The following DNAH2 variants were observed in gnomAD, a reference collection of about 807,000 sequenced individuals.
DNAH2 encodes axonemal beta dynein heavy chain 2.
Under a neutral mutation model 523.5 loss-of-function variants are expected in DNAH2, and 323 were observed. That is an observed-to-expected ratio of 0.62 (90% CI 0.56 to 0.68). The LOEUF is 0.68. Ranked by LOEUF, DNAH2 falls within the 30% of genes least tolerant of loss-of-function variation. The pLI, the probability that DNAH2 is intolerant of heterozygous loss-of-function variation, is 0.00. For synonymous variants in DNAH2, 2,093 were observed against 2,177.4 expected (o/e 0.96, Z 1.08); for missense variants, 4,907 against 5,701.5 (o/e 0.86, Z 4.49).
intron 63 of DNAH2, among the ~76,000 whole-genome samples, chr17:7,808,274 G>A (rs1306466038): frequency 2.6e-5 from 4 of 151,908 alleles, no homozygotes; most frequent in East Asian, 1.9e-4. Context: ...AGGAGGCTGA[G>A]GCATGAGAAT....
In DNAH2 at chr17:7,832,913, A is replaced by G; in HGVS notation, c.12963A>G (p.Leu4321=). The G allele has an allele frequency of 1.2e-6, 2 of 1,614,166 alleles. No individual in the cohort carries two copies. The highest frequency in any genetic ancestry group is 8.5e-7 in the Non-Finnish European group (1 of 1,180,022). ...FIVSTVDDSN[L]VYPPKDGVWV... is the part of the protein sequence containing the mutation. ...TTTCCACTGTGGATGACAGCAACCTAGTGTATCCCCCCAAGGTGGGAGCCA... is the reference window on the plus strand; with the variant it reads ...TTTCCACTGTGGATGACAGCAACCTGGTGTATCCCCCCAAGGTGGGAGCCA... The change falls in exon 84 of 86, where the codon CTA becomes CTG. Residue 4321 remains leucine, a synonymous_variant. Coordinates refer to ENST00000572933, the MANE Select transcript of DNAH2 (RefSeq NM_020877.5). This position sits in a 1 kb window ranked among gnomAD's most constrained non-coding sequence, Gnocchi z 4.3.
At chr17:7,833,004 G>T (rs908224939) in intron 84 of DNAH2, 67 bp from the exon 85 acceptor site, 17 of 1,613,290 alleles carry the variant, frequency 1.1e-5, no homozygotes, top group Non-Finnish European at 1.4e-5. Context: ...GAGGAGAGAG[G>T]GAGCAGGTCA....
rs2076741379 is a variant in DNAH2 at position 7,786,605 on chromosome 17, G to A, written c.6384G>A (p.Gly2128=). Residue 2128 remains glycine (G), a synonymous_variant, in exon 41 of 86, where the codon GGG becomes GGA. Coordinates refer to ENST00000572933, the MANE Select transcript of DNAH2 (RefSeq NM_020877.5). The surrounding 1 kb of genome is among the most constrained non-coding windows in gnomAD (Gnocchi z 7.5). ...FPLNPKALSL[G]ELYGEYDLST... ...TGAACCCCAAGGCATTGTCCCTAGG[G>A]GAACTGTATGGGGAATATGACCTCA... is the stretch of plus-strand genomic sequence containing the variant. The A allele has an allele frequency of 6.2e-7, 1 of 1,614,096 alleles. No homozygotes were observed. The highest frequency in any genetic ancestry group is 8.5e-7 in the Non-Finnish European group (1 of 1,180,028).
intron 20 of DNAH2, among the ~76,000 whole-genome samples, chr17:7,764,784 T>G (rs1178610793): frequency 6.0e-5 from 5 of 83,424 alleles, no homozygotes; most frequent in African/African-American, 1.6e-4. Flanking sequence ...TGTATTTACT[T>G]TTTTTTTTTT....
At chr17:7,826,535 C>CTTTTTTTTTTTTTTTTTTTTT (rs35943055) in intron 77 of DNAH2, among the ~76,000 whole-genome samples, 1 of 111,228 alleles carries the variant, frequency 9.0e-6, no homozygotes, top group Non-Finnish European at 1.8e-5. Context: ...TGCCCATCAT[C>CTTTTTTTTTTTTTTTTTTTTT]TTTTTTTTTT....
intron 4 of DNAH2, among the ~76,000 whole-genome samples, chr17:7,729,485 C>T (rs993534832): frequency 1.3e-5 from 2 of 152,108 alleles, no homozygotes; most frequent in Non-Finnish European, 2.9e-5. Context: ...GCCTGGAGTG[C>T]AATGGCGCAA....
chr17:7,765,785 CTT>C (rs1243951478), intron 21 of DNAH2, among the ~76,000 whole-genome samples: 1 of 145,918 alleles, frequency 6.9e-6, no homozygotes. Flanking sequence ...TTTCTTTTTT[CTT>C]TTTTTTTTTG....
chr17:7,737,067 G>A lies in DNAH2; in HGVS notation c.979G>A (p.Asp327Asn). The A allele has an allele frequency of 6.2e-7, 1 of 1,612,754 alleles. No individual in the cohort carries two copies. Among genetic ancestry groups the A allele is most frequent in the Non-Finnish European group, 8.5e-7 (1 of 1,178,984 alleles). ...ATTTCTCATCTCTCTTTACTGCCAG[G>A]ATGGCTCTCGTCAAGCACAGTCAAA... Reference protein sequence around the residue: ...PFMKLAQQIQDGSRQAQSNLT... With the variant: ...PFMKLAQQIQNGSRQAQSNLT... The change falls in exon 8 of 86, where the codon GAT becomes AAT. Residue 327 changes from aspartate to asparagine, a missense_variant and splice_region_variant. Asp to Asn is a conservative substitution (Grantham distance 23, BLOSUM62 1). Transcript: ENST00000572933.
rs1468807396 is a variant in DNAH2, at chr17:7,774,745, G to A, written c.4502-14G>A. 3 of 1,609,316 alleles carry A rather than the reference G, an allele frequency of 1.9e-6. No homozygotes were observed. The highest frequency in any genetic ancestry group is 1.7e-6 in the Non-Finnish European group (2 of 1,176,508). On this transcript the variant is annotated splice_polypyrimidine_tract_variant and intron_variant, in intron 28 of 85. Coordinates refer to ENST00000572933, the MANE Select transcript of DNAH2 (RefSeq NM_020877.5). ...GGAAATGAATCAAATGTCATTCATC[G>A]CTCTTCTTCCCAGGCCTCCTGGACA...
At chr17:7,794,170 C>A in intron 48 of DNAH2, 84 bp from the exon 49 acceptor site, 1 of 949,834 alleles carries the variant, frequency 1.1e-6, no homozygotes, top group Non-Finnish European at 1.5e-6. Flanking sequence ...GTTTTCCTCC[C>A]ACTCCTTTTC....
chr17:7,832,966 G>T lies in DNAH2; in HGVS notation c.12978+38G>T. 1 of 1,614,036 alleles carries T rather than the reference G, an allele frequency of 6.2e-7. No homozygotes were observed. ...TGTGCTTGGGGCTCTGAGCAAAAGAGGGTACTGGAAATAATTGGACGAAAA... is the reference window on the plus strand; with the variant it reads ...TGTGCTTGGGGCTCTGAGCAAAAGATGGTACTGGAAATAATTGGACGAAAA... On this transcript the variant is annotated intron_variant, in intron 84 of 85. Transcript: ENST00000572933. The surrounding 1 kb of genome is among the most constrained non-coding windows in gnomAD (Gnocchi z 4.3).
In DNAH2 at chr17:7,821,226, CT is replaced by C. The variant is rs754792395; in HGVS notation, c.11016-16del. ...ATTCCATGCTGCCCCTCCCTCTTCC[CT>C]GTCCCTTTCTCCCAGGTACACCTGC... On this transcript the variant is annotated splice_polypyrimidine_tract_variant and intron_variant, in intron 72 of 85. Coordinates refer to ENST00000572933, the MANE Select transcript of DNAH2 (RefSeq NM_020877.5). The surrounding 1 kb of genome is among the most constrained non-coding windows in gnomAD (Gnocchi z 5.0). The C allele has an allele frequency of 1.5e-5, 24 of 1,610,700 alleles. 1 individual carries two copies. In the South Asian group the frequency reaches 2.4e-4, roughly 16 times the overall value.
Position 7,830,507 on chromosome 17 carries a change from G to C in DNAH2, c.12045+16G>C. 6.2e-7 allele frequency: 1 copy of C among 1,613,178 alleles called. No individual in the cohort carries two copies. The highest frequency in any genetic ancestry group is 8.5e-7 in the Non-Finnish European group (1 of 1,179,326). On this transcript the variant is annotated intron_variant, in intron 78 of 85. Transcript: ENST00000572933. ...CGACTTTGAGGTTTGCATTAGCCAG[G>C]GGTCCTCATCCCAGCCCTCTCTCCT...
chr17:7,740,392 G>T, intron 9 of DNAH2, 28 bp from the exon 10 acceptor site: 1 of 1,612,668 alleles, frequency 6.2e-7, no homozygotes, highest in Non-Finnish European at 8.5e-7. Context: ...AGGGCACTCA[G>T]CTGCCACATG....
At chr17:7,746,062 A>G (rs1024781935) in intron 12 of DNAH2, among the ~76,000 whole-genome samples, 1 of 152,220 alleles carries the variant, frequency 6.6e-6, no homozygotes, top group Non-Finnish European at 1.5e-5. Context: ...AAAGGTCCTC[A>G]CAAAGAATGA....
In DNAH2 at chr17:7,745,793, CAA is replaced by C. The variant is rs5819164; in HGVS notation, c.1904+2667_1904+2668del. ...CGACAAAGCCAGACCCTGTCTCAAA[CAA>C]AAAAAAAAAAAAAAAGAAAAGAAAA... On this transcript the variant is annotated intron_variant, in intron 12 of 85. Transcript: ENST00000572933. Among the ~76,000 whole-genome samples the C allele has an allele frequency of 2.6e-3, 322 of 123,750 alleles. 1 individual carries two copies. Among genetic ancestry groups the C allele is most frequent in the African/African-American group, 4.8e-3 (160 of 33,602 alleles). The allele number at this position is 123,750 out of a possible 152,430, so 81.2% of individuals were successfully genotyped here.
intron 24 of DNAH2, 74 bp downstream of exon 24, chr17:7,768,341 C>T (rs915779162): frequency 2.1e-6 from 3 of 1,448,828 alleles, no homozygotes; most frequent in Non-Finnish European, 2.9e-6. Flanking sequence ...CCCTCCCATT[C>T]TCCTCTCCGC....
rs773580486 is a variant in DNAH2 at position 7,823,926 on chromosome 17, A to G, written c.11422A>G (p.Ile3808Val). Residue 3808 changes from isoleucine (I) to valine (V), a missense_variant, in exon 75 of 86, where the codon ATC (isoleucine) becomes GTC (valine). By Grantham distance (29) the Ile-to-Val change is conservative. This residue lies in a region of DNAH2 where 1,851 missense variants were observed against 2,139.4 expected (regional missense o/e 0.87). Coordinates refer to ENST00000572933, the MANE Select transcript of DNAH2 (RefSeq NM_020877.5). ...CGTGGCCTTCTGCGTGACCTCCTTC[A>G]TCATCACCAACCTTGGCTCCCGCTT... ...DRVAFCVTSF[I>V]ITNLGSRFIE... 6.8e-6 allele frequency: 11 copies of G among 1,613,788 alleles called. No homozygotes were observed. In the South Asian group the frequency reaches 1.2e-4, roughly 18 times the overall value.
chr17:7,733,475 C>CT lies in DNAH2; in HGVS notation c.628+180dup, dbSNP rs1199721840. 6.8e-3 allele frequency among the ~76,000 whole-genome samples: 774 copies of CT among 113,842 alleles called. 27 individuals are homozygous for CT. Among genetic ancestry groups the CT allele is most frequent in the Middle Eastern group, 0.035 (8 of 226 alleles). 74.7% of individuals were successfully genotyped at this position (113,842 alleles called of 152,430 possible). ...AGGGTACAAGATCCGCCTTCTTCTTCTTTTTTTTTTTTTTTTTTTTGAGAT... is the reference window on the plus strand; with the variant it reads ...AGGGTACAAGATCCGCCTTCTTCTTCTTTTTTTTTTTTTTTTTTTTTGAGAT... On this transcript the variant is annotated intron_variant, in intron 5 of 85. Coordinates refer to ENST00000572933, the MANE Select transcript of DNAH2 (RefSeq NM_020877.5).
Sources: gnomAD v4.1 joint callset for allele counts (sites outside exome capture counted in the v4.1 genomes callset) on GRCh38, gnomAD v4.1.1 for gene constraint, gnomAD v4.1.1 regional missense constraint, Gnocchi (gnomAD v3.1) non-coding constraint, MANE v1.5 for transcripts, NCBI Gene and HGNC (gene_info 2026-07-23, HGNC 2026-07-21) for gene names.